INPP4B: variants seen among roughly 807,000 people sequenced by gnomAD.
The protein encoded by INPP4B is inositol polyphosphate 4-phosphatase type II.
Under a neutral mutation model 122.5 loss-of-function variants are expected in INPP4B, and 55 were observed. That is an observed-to-expected ratio of 0.45 (90% CI 0.36 to 0.56). INPP4B has a LOEUF of 0.56. INPP4B is among the 20% of genes least tolerant of loss of function. The pLI is 0.00. For synonymous variants in INPP4B, 403 were observed against 388.7 expected (o/e 1.04, Z -0.43); for missense variants, 1,000 against 1,097.7 (o/e 0.91, Z 1.26).
intron 17 of INPP4B, among the ~76,000 whole-genome samples, chr4:142,159,500 A>G (rs1818967316): frequency 6.6e-6 from 1 of 151,968 alleles, no homozygotes; most frequent in African/African-American, 2.4e-5. Context: ...GTGCCTTTCA[A>G]GTAATTTACT....
intron 2 of INPP4B, among the ~76,000 whole-genome samples, chr4:142,551,658 T>G (rs1374296171): frequency 6.6e-6 from 1 of 152,214 alleles, no homozygotes; most frequent in Non-Finnish European, 1.5e-5. Context: ...TTGAGTTCTG[T>G]TCTGTGTTAT....
intron 7 of INPP4B, 90 bp from the exon 8 acceptor site, chr4:142,314,852 C>T (rs1011034694): frequency 2.2e-5 from 22 of 1,006,988 alleles, no homozygotes; most frequent in South Asian, 3.1e-5. Context: ...TCCTTCATCT[C>T]GCGTCAATTC....
At chr4:142,461,328 CAAAGG>C in intron 3 of INPP4B, among the ~76,000 whole-genome samples, 1 of 152,254 alleles carries the variant, frequency 6.6e-6, no homozygotes, top group African/African-American at 2.4e-5. Flanking sequence ...TAAGCATTTT[CAAAGG>C]AAAGAAATAT....
chr4:142,642,984 A>G (rs1182451078), intron 2 of INPP4B, among the ~76,000 whole-genome samples: 6 of 152,184 alleles, frequency 3.9e-5, no homozygotes, highest in African/African-American at 9.7e-5. Flanking sequence ...GGTCCTTCAC[A>G]TCCCTTGTAA....
intron 11 of INPP4B, among the ~76,000 whole-genome samples, chr4:142,243,919 T>TTA (rs1487277707): frequency 1.3e-4 from 19 of 150,660 alleles, no homozygotes; most frequent in East Asian, 3.9e-4. Flanking sequence ...ATTATTATTA[T>TTA]TTATTATTAT....
At chr4:142,801,056 A>G (rs1777929637) in intron 1 of INPP4B, among the ~76,000 whole-genome samples, 1 of 152,156 alleles carries the variant, frequency 6.6e-6, no homozygotes, top group South Asian at 2.1e-4. Flanking sequence ...GACCAGAGAC[A>G]GATCAAAGGG....
chr4:142,385,583 T>A (rs1182978459), intron 7 of INPP4B, among the ~76,000 whole-genome samples: 1 of 152,180 alleles, frequency 6.6e-6, no homozygotes, highest in Non-Finnish European at 1.5e-5. Context: ...CTGGATATTG[T>A]CATTTTAAGC....
intron 4 of INPP4B, 27 bp from the exon 5 acceptor site, chr4:142,429,244 T>C: frequency 7.3e-7 from 1 of 1,375,830 alleles, no homozygotes; most frequent in Non-Finnish European, 1.0e-6. Context: ...CAAATTCAGA[T>C]TTTTAAAAAA....
chr4:142,559,137 T>A (rs1172889938), intron 2 of INPP4B, among the ~76,000 whole-genome samples: 1 of 152,198 alleles, frequency 6.6e-6, no homozygotes, highest in Admixed American at 6.5e-5. Flanking sequence ...ATTAATGCAC[T>A]CTCAGTTGTT....
chr4:142,780,616 G>A (rs1774648917), intron 1 of INPP4B, among the ~76,000 whole-genome samples: 1 of 151,990 alleles, frequency 6.6e-6, no homozygotes, highest in Non-Finnish European at 1.5e-5. Context: ...GGACAAGATG[G>A]TGAAACCCCT....
chr4:142,287,128 C>T (rs1431030491), intron 9 of INPP4B: 3 of 152,188 alleles, frequency 2.0e-5, no homozygotes, highest in Non-Finnish European at 4.4e-5. Flanking sequence ...ATGTTTCCTA[C>T]AAGCATCTTC....
intron 1 of INPP4B, among the ~76,000 whole-genome samples, chr4:142,806,764 G>GAAAGAAAGAAAGA (rs1554013533): frequency 2.6e-5 from 1 of 39,076 alleles, no homozygotes; most frequent in East Asian, 7.2e-4. Context: ...GAAGAAGAAA[G>GAAAGAAAGAAAGA]AAGAAAGAAA....
In INPP4B at chr4:142,331,809, C is replaced by G. The variant is rs547277221; in HGVS notation, c.373-17047G>C. ...CTAGTGCTGAATGCTTCAAAATTTT[C>G]TCTATCTTTGGAGCTTCTAATTGTG... On this transcript the variant is annotated intron_variant, in intron 7 of 25. Coordinates refer to ENST00000262992, the MANE Select transcript of INPP4B (RefSeq NM_001101669.3). Among the ~76,000 whole-genome samples the G allele has an allele frequency of 1.7e-4, 26 of 150,436 alleles. 1 individual carries two copies. The South Asian group carries it at 2.9e-3, about 17-fold the overall frequency.
chr4:142,090,783 A>C lies in INPP4B; in HGVS notation c.2375-4527T>G, dbSNP rs2152564246. Among the ~76,000 whole-genome samples the C allele has an allele frequency of 1.3e-5, 2 of 152,196 alleles. 1 individual carries two copies. The highest frequency in any genetic ancestry group is 4.1e-4 in the South Asian group (2 of 4,824). ...GAATGTTTATTGCATTATTGTTTAT[A>C]ATTTTAAATAGCAAAAAAGCTTTAA... is the stretch of plus-strand genomic sequence containing the variant. On this transcript the variant is annotated intron_variant, in intron 23 of 25. Coordinates refer to ENST00000262992, the MANE Select transcript of INPP4B (RefSeq NM_001101669.3).
chr4:142,655,713 C>A (rs1754002242), intron 2 of INPP4B, among the ~76,000 whole-genome samples: 1 of 152,154 alleles, frequency 6.6e-6, no homozygotes, highest in Admixed American at 6.5e-5. Context: ...AAACTTATTC[C>A]TAATAATGTT....
chr4:142,202,697 A>G, intron 14 of INPP4B: 1 of 969,918 alleles, frequency 1.0e-6, no homozygotes, highest in Non-Finnish European at 1.2e-6. Context: ...TATGATATAA[A>G]CTCATTTTTT....
At chr4:142,045,784 G>A (rs372915754) in intron 25 of INPP4B, among the ~76,000 whole-genome samples, 1 of 152,224 alleles carries the variant, frequency 6.6e-6, no homozygotes, top group African/African-American at 2.4e-5. Context: ...TTAAGCATCT[G>A]CATTGTGCTA....
chr4:142,102,460 CTTTTTT>C (rs35404733), intron 23 of INPP4B, among the ~76,000 whole-genome samples: 1 of 99,694 alleles, frequency 1.0e-5, no homozygotes, highest in Non-Finnish European at 2.1e-5. Context: ...TGAACAAAGT[CTTTTTT>C]TTTTTTTTTT....
intron 2 of INPP4B, among the ~76,000 whole-genome samples, chr4:142,660,335 G>A (rs756693660): frequency 6.6e-6 from 1 of 152,060 alleles, no homozygotes; most frequent in East Asian, 1.9e-4. Flanking sequence ...AGGAAGAGAA[G>A]GGAACTAGAG....
Sources: gnomAD v4.1 joint callset for allele counts (sites outside exome capture counted in the v4.1 genomes callset) on GRCh38, gnomAD v4.1.1 for gene constraint, MANE v1.5 for transcripts, NCBI Gene and HGNC (gene_info 2026-07-23, HGNC 2026-07-21) for gene names.